The following MDM2 variants were observed in gnomAD, a reference collection of about 807,000 sequenced individuals.
The protein encoded by MDM2 is E3 ubiquitin-protein ligase Mdm2.
Under a neutral mutation model 64.3 loss-of-function variants are expected in MDM2, and 11 were observed. The ratio of observed to expected loss-of-function variants is 0.17; its 90% CI spans 0.11 to 0.28. The LOEUF is 0.28. Ranked by LOEUF, MDM2 falls within the 10% of genes least tolerant of loss-of-function variation. The pLI, the probability that MDM2 is intolerant of heterozygous loss-of-function variation, is 1.00. For synonymous variants in MDM2, 194 were observed against 192.9 expected (o/e 1.01, Z -0.05); for missense variants, 388 against 577.1 (o/e 0.67, Z 3.36).
rs201538334 is a variant in MDM2, at chr12:68,809,559, A to AT, written c.99+276dup. Among the ~76,000 whole-genome samples, 873 of 151,672 alleles carry AT rather than the reference A, an allele frequency of 5.8e-3. 4 individuals carry two copies. The highest frequency in any genetic ancestry group is 9.9e-3 in the Non-Finnish European group (669 of 67,892). On this transcript the variant is annotated intron_variant, in intron 2 of 10. Transcript: ENST00000258149. Reference sequence around the variant, plus strand: ...TGAAGTTACGTTTGTTACGTGACTGATTTTTTTTTCCTTTTTGACCTCCCA... The same window carrying AT: ...TGAAGTTACGTTTGTTACGTGACTGATTTTTTTTTTCCTTTTTGACCTCCCA...
chr12:68,839,384 T>C lies in MDM2; in HGVS notation c.1029T>C (p.Asp343=). ...GGCTTCCTGAAGATAAAGGGAAAGATAAAGGGGAAATCTCTGAGAAAGCCA... is the reference window on the plus strand; with the variant it reads ...GGCTTCCTGAAGATAAAGGGAAAGACAAAGGGGAAATCTCTGAGAAAGCCA... ...ENWLPEDKGK[D]KGEISEKAKL... is the part of the protein sequence containing the mutation. Residue 343 remains aspartate (D), a synonymous_variant, in exon 11 of 11, where the codon GAT becomes GAC. Coordinates refer to ENST00000258149, the MANE Select transcript of MDM2 (RefSeq NM_002392.6). 1.2e-6 allele frequency: 2 copies of C among 1,613,798 alleles called. No homozygotes were observed. The highest frequency in any genetic ancestry group is 1.7e-6 in the Non-Finnish European group (2 of 1,179,982).
intron 8 of MDM2, among the ~76,000 whole-genome samples, chr12:68,834,697 A>G (rs1883168165): frequency 6.6e-6 from 1 of 152,224 alleles, no homozygotes; most frequent in Non-Finnish European, 1.5e-5. Context: ...AGATCAGGCC[A>G]CTGCACTCCA....
intron 3 of MDM2, among the ~76,000 whole-genome samples, chr12:68,816,419 C>T (rs1412975411): frequency 7.8e-6 from 1 of 128,562 alleles, no homozygotes. Flanking sequence ...GTTGCTTAAG[C>T]CGGAGTGCAG....
chr12:68,819,719 G>A (rs547758987), intron 4 of MDM2, among the ~76,000 whole-genome samples: 1 of 152,312 alleles, frequency 6.6e-6, no homozygotes, highest in Admixed American at 6.5e-5. Flanking sequence ...TTGAGCTCCA[G>A]GCCTCGGGTG....
At chr12:68,835,776 A>G (rs1883257284) in intron 8 of MDM2, 53 bp from the exon 9 acceptor site, 1 of 1,533,392 alleles carries the variant, frequency 6.5e-7, no homozygotes, top group African/African-American at 1.4e-5. Flanking sequence ...GGAAACAGAT[A>G]CAGAGGTCAA....
chr12:68,812,465 C>CAAGG (rs1487020004), intron 2 of MDM2, among the ~76,000 whole-genome samples: 1 of 152,116 alleles, frequency 6.6e-6, no homozygotes, highest in Non-Finnish European at 1.5e-5. Flanking sequence ...TTTGATAAAC[C>CAAGG]AAAAGGAAGG....
At chr12:68,826,093 G>A (rs1334327996) in intron 7 of MDM2, among the ~76,000 whole-genome samples, 1 of 151,946 alleles carries the variant, frequency 6.6e-6, no homozygotes, top group Non-Finnish European at 1.5e-5. Flanking sequence ...TAGCAAAAAG[G>A]GCAGACAGTT....
At chr12:68,824,980 T>A (rs1695155) in intron 7 of MDM2, among the ~76,000 whole-genome samples, 2 of 150,714 alleles carry the variant, frequency 1.3e-5, no homozygotes, top group Non-Finnish European at 3.0e-5. Flanking sequence ...AGGCCGAGGC[T>A]GGCGGATCAC....
rs1205651053 is a variant in MDM2, at chr12:68,839,643, G to C, written c.1288G>C (p.Glu430Gln). The C allele has an allele frequency of 1.2e-6, 2 of 1,613,800 alleles. No homozygotes were observed. Among genetic ancestry groups the C allele is most frequent in the African/African-American group, 1.3e-5 (1 of 74,960 alleles). The part of the protein sequence containing the change: ...FEREETQDKE[E>Q]SVESSLPLNA... ...AAGGGAAGAAACCCAAGACAAAGAA[G>C]AGAGTGTGGAATCTAGTTTGCCCCT... is the stretch of plus-strand genomic sequence containing the variant. Residue 430 changes from glutamate (E) to glutamine (Q), a missense_variant, in exon 11 of 11, where the codon GAG (glutamate) becomes CAG (glutamine). Around this residue, in one of 5 missense-constraint regions of MDM2, gnomAD observed 138 missense variants for 143.7 expected, o/e 0.96. Coordinates refer to ENST00000258149, the MANE Select transcript of MDM2 (RefSeq NM_002392.6).
Position 68,845,350 on chromosome 12 carries a change from C to A in MDM2, c.*5501C>A, listed in dbSNP as rs865821932. ...ACTTTGAGGTAGATATCTGAAAGCA[C>A]CAGCACTTGGAAGGTGTTCAGAAGT... On this transcript the variant is annotated 3_prime_UTR_variant, in exon 11 of 11. Coordinates refer to ENST00000258149, the MANE Select transcript of MDM2 (RefSeq NM_002392.6). 9.4e-6 allele frequency: 2 copies of A among 212,162 alleles called. No individual in the cohort carries two copies. The highest frequency in any genetic ancestry group is 1.9e-5 in the Non-Finnish European group (2 of 104,996). 13.1% of individuals were successfully genotyped at this position (212,162 alleles called of 1,614,324 possible).
Position 68,845,501 on chromosome 12 carries a change from G to A in MDM2, c.*5652G>A, listed in dbSNP as rs1244454023. The A allele has an allele frequency of 3.0e-5, 6 of 198,896 alleles. No individual in the cohort carries two copies. Among genetic ancestry groups the A allele is most frequent in the East Asian group, 1.6e-4 (2 of 12,696 alleles). 12.3% of individuals were successfully genotyped at this position (198,896 alleles called of 1,614,324 possible). A position where few individuals can be genotyped will look rare whatever the true frequency, so the allele number is the denominator to read the frequency against. On this transcript the variant is annotated 3_prime_UTR_variant, in exon 11 of 11. Transcript: ENST00000258149. The stretch of plus-strand genomic sequence containing the variant: ...TGATTGCTGTACTCAAATATTTAAC[G>A]TTAGAGTAATAGTATTTTGAATGAA...
intron 7 of MDM2, among the ~76,000 whole-genome samples, chr12:68,825,468 A>C (rs1316657293): frequency 6.6e-6 from 1 of 152,018 alleles, no homozygotes; most frequent in East Asian, 1.9e-4. Flanking sequence ...CCTGTCTAAC[A>C]TGGTGAAACC....
downstream of MDM2, chr12:68,849,975 T>A (rs1416573153): frequency 6.6e-6 from 1 of 152,164 alleles, no homozygotes; most frequent in Non-Finnish European, 1.5e-5. Context: ...CTATTCTCAG[T>A]TGTCAAACAG....
At chr12:68,831,031 A>T (rs1882749771) in intron 8 of MDM2, among the ~76,000 whole-genome samples, 1 of 152,150 alleles carries the variant, frequency 6.6e-6, no homozygotes, top group African/African-American at 2.4e-5. Flanking sequence ...TGTTAAAGTT[A>T]TATCAGAATT....
chr12:68,838,224 G>A (rs960781877), intron 10 of MDM2, among the ~76,000 whole-genome samples: 6 of 152,098 alleles, frequency 3.9e-5, no homozygotes, highest in South Asian at 2.1e-4. Context: ...AAATGGTTAC[G>A]GAAATACCTC....
chr12:68,810,175 G>A (rs925354074), intron 2 of MDM2, among the ~76,000 whole-genome samples: 7 of 152,030 alleles, frequency 4.6e-5, no homozygotes, highest in Non-Finnish European at 1.0e-4. Context: ...AGTCGGGCAT[G>A]GTGGCGCGCG....
At position 68,833,149 on chromosome 12, in the gene MDM2, A is replaced by AATATATATATATATATAT. The variant is rs57734852; in HGVS notation, c.685-2679_685-2662dup. ...TCCAAAAAAAAAAAAAAAAAAAAAA[A>AATATATATATATATATAT]ATATATATATATATATATTTATATT... On this transcript the variant is annotated intron_variant, in intron 8 of 10. Coordinates refer to ENST00000258149, the MANE Select transcript of MDM2 (RefSeq NM_002392.6). Among the ~76,000 whole-genome samples the AATATATATATATATATAT allele has an allele frequency of 1.6e-3, 105 of 65,954 alleles. 2 individuals are homozygous for AATATATATATATATATAT. The highest frequency in any genetic ancestry group is 6.1e-3 in the African/African-American group (99 of 16,316). 43.3% of individuals were successfully genotyped at this position (65,954 alleles called of 152,430 possible).
chr12:68,838,302 T>C (rs901553182), intron 10 of MDM2, among the ~76,000 whole-genome samples: 2 of 152,134 alleles, frequency 1.3e-5, no homozygotes, highest in Non-Finnish European at 2.9e-5. Flanking sequence ...GGCAAGAAGA[T>C]AGGTTATGTA....
intron 8 of MDM2, among the ~76,000 whole-genome samples, chr12:68,832,461 A>G (rs1036372121): frequency 6.6e-6 from 1 of 152,138 alleles, no homozygotes; most frequent in Non-Finnish European, 1.5e-5. Context: ...ATTTTTGACT[A>G]CAAAGATCTA....
Sources: allele counts gnomAD v4.1 joint callset (sites outside exome capture counted in the v4.1 genomes callset), GRCh38; gene constraint gnomAD v4.1.1; regional missense constraint gnomAD v4.1.1; transcripts MANE v1.5; gene names NCBI Gene and HGNC (gene_info 2026-07-23, HGNC 2026-07-21).